Variants in TRABD2B observed in about 807,000 individuals in gnomAD.
The protein encoded by TRABD2B is metalloprotease TIKI2.
Under a neutral mutation model 40.1 loss-of-function variants are expected in TRABD2B, and 14 were observed. That is an observed-to-expected ratio of 0.35 (90% confidence interval 0.23 to 0.55). The LOEUF is 0.55. Among genes scored for constraint, TRABD2B ranks in the 20% least tolerant of loss-of-function variants. TRABD2B has a pLI of 0.90. For missense variants in TRABD2B, 541 were observed against 648.6 expected (o/e 0.83, Z 1.80); for synonymous variants, 263 against 277.0 (o/e 0.95, Z 0.50).
At chr1:47,872,908 GAAATACTATAGACTGAGA>G (rs1405365229) in intron 2 of TRABD2B, among the ~76,000 whole-genome samples, 1 of 152,080 alleles carries the variant, frequency 6.6e-6, no homozygotes, top group African/African-American at 2.4e-5. Flanking sequence ...CTGCTATAAT[GAAATACTATAGACTGAGA>G]AATTTATAAA....
chr1:47,832,531 C>T (rs1557600811), intron 2 of TRABD2B, among the ~76,000 whole-genome samples: 1 of 152,100 alleles, frequency 6.6e-6, no homozygotes. Context: ...TAATAGGTAC[C>T]AAAGCATTTA....
At position 47,996,738 on chromosome 1, in the gene TRABD2B, G is replaced by A; in HGVS notation, c.52C>T (p.Arg18Cys). Residue 18 changes from arginine to cysteine, a missense_variant, in exon 1 of 7, where the codon CGC becomes TGC. Transcript: ENST00000606738. This position sits in a 1 kb window ranked among gnomAD's most constrained non-coding sequence, Gnocchi z 4.6. ...PLLAALLATA[R>C]ARPQPPDGGQ... The stretch of plus-strand genomic sequence containing the variant: ...CCGTCCGGGGGCTGCGGGCGGGCGC[G>A]AGCGGTGGCGAGGAGGGCGGCGAGC... 1 of 1,225,794 alleles carries A rather than the reference G, an allele frequency of 8.2e-7. No homozygotes were observed. The highest frequency in any genetic ancestry group is 1.0e-6 in the Non-Finnish European group (1 of 983,376). The allele number at this position is 1,225,794 out of a possible 1,614,324, so 75.9% of individuals were successfully genotyped here.
intron 4 of TRABD2B, among the ~76,000 whole-genome samples, chr1:47,781,831 T>C (rs764918407): frequency 2.0e-5 from 3 of 152,176 alleles, no homozygotes; most frequent in African/African-American, 7.2e-5. Flanking sequence ...CACCCTGCCC[T>C]CTCTGGGCTT....
intron 2 of TRABD2B, among the ~76,000 whole-genome samples, chr1:47,856,543 AG>A (rs1405144775): frequency 3.9e-5 from 6 of 152,250 alleles, no homozygotes; most frequent in African/African-American, 1.4e-4. Context: ...CCCTGATTCT[AG>A]GACCAGCTTT....
At chr1:47,832,598 G>A (rs950159400) in intron 2 of TRABD2B, among the ~76,000 whole-genome samples, 42 of 152,226 alleles carry the variant, frequency 2.8e-4, no homozygotes, top group Admixed American at 7.2e-4. Context: ...TCTTCTGCAG[G>A]TGCTGAAGGG....
intron 2 of TRABD2B, among the ~76,000 whole-genome samples, chr1:47,920,351 C>T (rs114348922): frequency 0.012 from 1,896 of 152,320 alleles, 40 homozygotes; most frequent in African/African-American, 0.043. Flanking sequence ...GTCAAGAGGG[C>T]TATAGGTTTA....
At chr1:47,830,263 TC>T (rs970559377) in intron 2 of TRABD2B, among the ~76,000 whole-genome samples, 4 of 152,206 alleles carry the variant, frequency 2.6e-5, no homozygotes, top group Non-Finnish European at 5.9e-5. Flanking sequence ...AGGATGGCCC[TC>T]AATACATCTT....
intron 6 of TRABD2B, among the ~76,000 whole-genome samples, chr1:47,767,123 G>A (rs576333106): frequency 6.8e-4 from 103 of 152,356 alleles, no homozygotes; most frequent in Non-Finnish European, 1.1e-3. Context: ...CAGAGGCCTA[G>A]CAGAGAGGTC....
intron 5 of TRABD2B, among the ~76,000 whole-genome samples, chr1:47,777,360 A>C (rs571453814): frequency 2.4e-4 from 36 of 152,324 alleles, no homozygotes; most frequent in Admixed American, 1.0e-3. Context: ...AGGTAGGAAG[A>C]GCAGCCTTGT....
intron 2 of TRABD2B, among the ~76,000 whole-genome samples, chr1:47,911,200 T>C (rs933170420): frequency 2.0e-5 from 3 of 152,130 alleles, no homozygotes; most frequent in Non-Finnish European, 2.9e-5. Context: ...ATTGTGACAA[T>C]TAAATGAGAT....
At chr1:47,974,229 C>T (rs753081542) in intron 2 of TRABD2B, among the ~76,000 whole-genome samples, 1 of 152,160 alleles carries the variant, frequency 6.6e-6, no homozygotes, top group Non-Finnish European at 1.5e-5. Flanking sequence ...ACCTCATCTC[C>T]TCTCTGCTCC....
intron 2 of TRABD2B, among the ~76,000 whole-genome samples, chr1:47,869,897 GT>G: frequency 6.6e-6 from 1 of 152,132 alleles, no homozygotes; most frequent in Non-Finnish European, 1.5e-5. Flanking sequence ...GGGTATGAGG[GT>G]GGTGGAGGGG....
At chr1:47,774,910 C>T (rs1644423015) in intron 6 of TRABD2B, among the ~76,000 whole-genome samples, 1 of 152,248 alleles carries the variant, frequency 6.6e-6, no homozygotes, top group African/African-American at 2.4e-5. Context: ...GAGTGCAAAG[C>T]AGATTTGTGC....
intron 2 of TRABD2B, among the ~76,000 whole-genome samples, chr1:47,860,031 G>A (rs1643944378): frequency 6.6e-6 from 1 of 152,140 alleles, no homozygotes; most frequent in South Asian, 2.1e-4. Context: ...TGGTCAGACT[G>A]CACTACCTTG....
chr1:47,958,493 C>A (rs1427087399), intron 2 of TRABD2B, among the ~76,000 whole-genome samples: 1 of 121,310 alleles, frequency 8.2e-6, no homozygotes, highest in Non-Finnish European at 1.8e-5. Context: ...CACACAGGCT[C>A]AAAATAAAGG....
chr1:47,891,871 A>G (rs1334228355), intron 2 of TRABD2B, among the ~76,000 whole-genome samples: 3 of 152,120 alleles, frequency 2.0e-5, no homozygotes, highest in Non-Finnish European at 4.4e-5. Flanking sequence ...AAAAAGAAAG[A>G]GCAAGGGACT....
intron 2 of TRABD2B, among the ~76,000 whole-genome samples, chr1:47,905,600 T>G (rs1644665584): frequency 6.6e-6 from 1 of 152,170 alleles, no homozygotes; most frequent in African/African-American, 2.4e-5. Context: ...TTCCCATCCT[T>G]TGCACCTGAT....
At chr1:47,819,860 CAG>C (rs1158779121) in intron 2 of TRABD2B, 8 of 151,992 alleles carry the variant, frequency 5.3e-5, no homozygotes, top group African/African-American at 1.9e-4. Flanking sequence ...GGACGCAGAC[CAG>C]AGACACTGGG....
chr1:47,788,805 C>T (rs1007777166), intron 4 of TRABD2B, among the ~76,000 whole-genome samples: 1 of 152,154 alleles, frequency 6.6e-6, no homozygotes, highest in African/African-American at 2.4e-5. Flanking sequence ...CACTGGTTCT[C>T]AGAGTTTGAA....
Sources: allele counts gnomAD v4.1 joint callset (sites outside exome capture counted in the v4.1 genomes callset), GRCh38; gene constraint gnomAD v4.1.1; non-coding constraint Gnocchi (gnomAD v3.1); transcripts MANE v1.5; gene names NCBI Gene and HGNC (gene_info 2026-07-23, HGNC 2026-07-21).